OR2B11: variants seen among roughly 807,000 people sequenced by gnomAD.
OR2B11 encodes the protein olfactory receptor family 2 subfamily B member 11, also known as olfactory receptor 2B11.
For missense variants in OR2B11, 422 were observed against 400.0 expected (o/e 1.05, Z -0.47); for synonymous variants, 198 against 174.5 (o/e 1.13, Z -1.06).
Position 247,451,956 on chromosome 1 carries a change from TAAG to T in OR2B11, c.24_26del (p.Phe8del), listed in dbSNP as rs1162597578. 1.3e-6 allele frequency: 2 copies of T among 1,584,554 alleles called. No individual in the cohort carries two copies. The highest frequency in any genetic ancestry group is 2.8e-5 in the African/African-American group (2 of 70,216). On this transcript the variant is annotated inframe_deletion, in exon 2 of 2. Coordinates refer to ENST00000641149, the MANE Select transcript of OR2B11 (RefSeq NM_001004492.2). ...GGATGAAGGCTTTAGGGGAGTCCCC[TAAG>T]AAGCTATGGTTGTCACTTTTCATGT... is the stretch of plus-strand genomic sequence containing the variant.
In OR2B11 at chr1:247,451,845, G is replaced by A. The variant is rs1212082748; in HGVS notation, c.138C>T (p.Asn46=). 3.1e-6 allele frequency: 5 copies of A among 1,613,980 alleles called. No homozygotes were observed. Among genetic ancestry groups the A allele is most frequent in the South Asian group, 1.1e-5 (1 of 91,092 alleles). The change falls in exon 2 of 2, where the codon AAC becomes AAT. Residue 46 remains asparagine, a synonymous_variant. Transcript: ENST00000641149. ...CCCGGGATGCCAGGATGATGGCGAC[G>A]TTCCCCAACATGGCCAGCACATAGG... ...LLSYVLAMLG[N]VAIILASRVD...
rs758031891 is a variant in OR2B11, at chr1:247,452,446, C to T, written c.-464G>A. On this transcript the variant is annotated 5_prime_UTR_variant, in exon 2 of 2. Coordinates refer to ENST00000641149, the MANE Select transcript of OR2B11 (RefSeq NM_001004492.2). ...GGAATTGTCCACCTTCTTAGGCTTT[C>T]CCATTTTGGGAGGTAGTGGTAGGAG... 1.9e-5 allele frequency: 3 copies of T among 160,468 alleles called. No homozygotes were observed. The highest frequency in any genetic ancestry group is 5.8e-5 in the Admixed American group (1 of 17,214). The allele number at this position is 160,468 out of a possible 1,614,324, so 9.9% of individuals were successfully genotyped here. A position where few individuals can be genotyped will look rare whatever the true frequency, so the allele number is the denominator to read the frequency against.
chr1:247,449,713 T>G lies in OR2B11; in HGVS notation c.*1316A>C, dbSNP rs1664795231. On this transcript the variant is annotated 3_prime_UTR_variant, in exon 2 of 2. Transcript: ENST00000641149. ...AAGGGAAACAGTATGAGATTTACAT[T>G]CTGTTGCAAACTCTGTCTTGTTAGC... 6.6e-6 allele frequency: 1 copy of G among 152,034 alleles called. No individual in the cohort carries two copies. Among genetic ancestry groups the G allele is most frequent in the African/African-American group, 2.4e-5 (1 of 41,264 alleles). The allele number at this position is 152,034 out of a possible 1,614,324, so 9.4% of individuals were successfully genotyped here.
Position 247,452,163 on chromosome 1 carries a change from C to T in OR2B11, c.-181G>A. On this transcript the variant is annotated 5_prime_UTR_variant, in exon 2 of 2. Coordinates refer to ENST00000641149, the MANE Select transcript of OR2B11 (RefSeq NM_001004492.2). ...ATGCGGAAGGGTCAGAACCAGGAGC[C>T]CCAGTAGCAGCCTCTGTGTCTTTGC... 1.7e-6 allele frequency: 1 copy of T among 586,134 alleles called. No homozygotes were observed. The highest frequency in any genetic ancestry group is 2.8e-5 in the East Asian group (1 of 35,732). The allele number at this position is 586,134 out of a possible 1,614,324, so 36.3% of individuals were successfully genotyped here. A position where few individuals can be genotyped will look rare whatever the true frequency, so the allele number is the denominator to read the frequency against.
At chr1:247,455,436 T>C (rs888240816) in intron 1 of OR2B11, among the ~76,000 whole-genome samples, 1 of 152,194 alleles carries the variant, frequency 6.6e-6, no homozygotes, top group Non-Finnish European at 1.5e-5. Context: ...GGCTTAATGA[T>C]AGCAGTATTT....
At position 247,451,697 on chromosome 1, in the gene OR2B11, T is replaced by G. The variant is rs757891667; in HGVS notation, c.286A>C (p.Ile96Leu). The G allele has an allele frequency of 6.2e-7, 1 of 1,614,176 alleles. No homozygotes were observed. The highest frequency in any genetic ancestry group is 1.1e-5 in the South Asian group (1 of 91,090). Residue 96 changes from isoleucine to leucine, a missense_variant, in exon 2 of 2, where the codon ATC becomes CTC. Coordinates refer to ENST00000641149, the MANE Select transcript of OR2B11 (RefSeq NM_001004492.2). The stretch of plus-strand genomic sequence containing the variant: ...TGCACAGTGCAGCCTCCATAGCTGA[T>G]GGTCTTCTGGGAACTGCCCATGTTG... ...LVNMGSSQKT[I>L]SYGGCTVQYA...
In OR2B11 at chr1:247,454,987, C is replaced by T. The variant is rs1475928473; in HGVS notation, c.-3005G>A. ...GTATCATGTTCACGCTGAATTCCCG[C>T]AGTTTCTTCTGGGGGCTGCTGGCAG... On this transcript the variant is annotated 5_prime_UTR_variant, in exon 2 of 2. Coordinates refer to ENST00000641149, the MANE Select transcript of OR2B11 (RefSeq NM_001004492.2). The T allele has an allele frequency of 6.6e-6, 1 of 152,190 alleles. No homozygotes were observed. Among genetic ancestry groups the T allele is most frequent in the East Asian group, 1.9e-4 (1 of 5,198 alleles). The allele number at this position is 152,190 out of a possible 1,614,324, so 9.4% of individuals were successfully genotyped here.
At position 247,451,909 on chromosome 1, in the gene OR2B11, G is replaced by A. The variant is rs369166364; in HGVS notation, c.74C>T (p.Pro25Leu). The A allele has an allele frequency of 1.7e-4, 274 of 1,614,008 alleles. 4 individuals carry two copies. The highest frequency in any genetic ancestry group is 1.5e-3 in the South Asian group (140 of 91,072). ...CACAAAGAGAGGGAGTTCCAGCCAC[G>A]GCCTGTCAGACACACCCAGAAGGAT... is the stretch of plus-strand genomic sequence containing the variant. ...AFILLGVSDRPWLELPLFVVL... is the reference protein window; with the variant it reads ...AFILLGVSDRLWLELPLFVVL... The change falls in exon 2 of 2, where the codon CCG (proline) becomes CTG (leucine). Residue 25 changes from proline to leucine, a missense_variant. Physicochemically the swap from Pro to Leu is moderately conservative, Grantham distance 98. Coordinates refer to ENST00000641149, the MANE Select transcript of OR2B11 (RefSeq NM_001004492.2).
chr1:247,450,743 G>T lies in OR2B11; in HGVS notation c.*286C>A. On this transcript the variant is annotated 3_prime_UTR_variant, in exon 2 of 2. Coordinates refer to ENST00000641149, the MANE Select transcript of OR2B11 (RefSeq NM_001004492.2). ...GGAGAGAATAAAAGAAATATAGGAAGAGGAAAAGAGAAAAGAATCAGGAAA... is the reference window on the plus strand; with the variant it reads ...GGAGAGAATAAAAGAAATATAGGAATAGGAAAAGAGAAAAGAATCAGGAAA... 3.8e-6 allele frequency: 1 copy of T among 261,428 alleles called. No individual in the cohort carries two copies. Among genetic ancestry groups the T allele is most frequent in the Non-Finnish European group, 7.2e-6 (1 of 139,448 alleles). 16.2% of individuals were successfully genotyped at this position (261,428 alleles called of 1,614,324 possible).
In OR2B11 at chr1:247,452,208, C is replaced by G. The variant is rs568824766; in HGVS notation, c.-226G>C. 1.9e-6 allele frequency: 1 copy of G among 534,650 alleles called. No homozygotes were observed. The highest frequency in any genetic ancestry group is 2.7e-5 in the South Asian group (1 of 37,348). The allele number at this position is 534,650 out of a possible 1,614,324, so 33.1% of individuals were successfully genotyped here. A position where few individuals can be genotyped will look rare whatever the true frequency, so the allele number is the denominator to read the frequency against. ...CTTTGCTCTCCTTCCTACTCAGTGG[C>G]CGCAACTAAACCATTTAATATTCCT... is the stretch of plus-strand genomic sequence containing the variant. On this transcript the variant is annotated 5_prime_UTR_variant, in exon 2 of 2. Transcript: ENST00000641149.
At chr1:247,457,187 T>C (rs1230664863) in intron 1 of OR2B11, among the ~76,000 whole-genome samples, 1 of 151,814 alleles carries the variant, frequency 6.6e-6, no homozygotes, top group East Asian at 1.9e-4. Context: ...GGTCTGACTT[T>C]TTCAGATTTT....
At chr1:247,456,185 G>A (rs1006513328) in intron 1 of OR2B11, among the ~76,000 whole-genome samples, 3 of 152,160 alleles carry the variant, frequency 2.0e-5, no homozygotes, top group African/African-American at 7.2e-5. Context: ...TGAGTCCACA[G>A]GGTAAGCTAT....
At chr1:247,456,601 C>CT (rs140857340) in intron 1 of OR2B11, among the ~76,000 whole-genome samples, 4 of 150,658 alleles carry the variant, frequency 2.7e-5, no homozygotes, top group African/African-American at 9.8e-5. Context: ...ATTGTAATTA[C>CT]TTTTTTTTCT....
chr1:247,455,162 G>T (rs1382258584), intron 1 of OR2B11, 98 bp from the exon 2 acceptor site: 1 of 152,126 alleles, frequency 6.6e-6, no homozygotes, highest in Non-Finnish European at 1.5e-5. Context: ...CTCTGCTGAA[G>T]CTTGACGGAA....
intron 1 of OR2B11, among the ~76,000 whole-genome samples, chr1:247,456,207 A>G (rs1259366443): frequency 6.6e-6 from 1 of 152,188 alleles, no homozygotes; most frequent in Non-Finnish European, 1.5e-5. Context: ...TAAAAATCCA[A>G]TGCCGGTTCA....
intron 1 of OR2B11, among the ~76,000 whole-genome samples, chr1:247,455,714 A>C (rs1476823561): frequency 6.6e-6 from 1 of 152,164 alleles, no homozygotes. Context: ...GTCCCTGTGC[A>C]TGCACAGTCC....
chr1:247,451,251 C>T lies in OR2B11; in HGVS notation c.732G>A (p.Thr244=), dbSNP rs12086048. Residue 244 remains threonine, a synonymous_variant, in exon 2 of 2, where the codon ACG becomes ACA. Transcript: ENST00000641149. ...AGACGATCATCAGGTGGGAGGAACACGTCCCAAAGGCCTTGTGTCGTCCCT... is the reference window on the plus strand; with the variant it reads ...AGACGATCATCAGGTGGGAGGAACATGTCCCAAAGGCCTTGTGTCGTCCCT... ...SSKGRHKAFG[T]CSSHLMIVSL... 220,159 of 1,607,846 alleles carry T rather than the reference C, an allele frequency of 0.14. 16,249 individuals carry two copies. The highest frequency in any genetic ancestry group is 0.2 in the African/African-American group (14,756 of 74,802).
chr1:247,456,135 A>G (rs1295254064), intron 1 of OR2B11, among the ~76,000 whole-genome samples: 3 of 152,186 alleles, frequency 2.0e-5, no homozygotes, highest in African/African-American at 7.2e-5. Flanking sequence ...TGAGAGGTTC[A>G]GAAAGATTAA....
intron 1 of OR2B11, among the ~76,000 whole-genome samples, 161 bp from the exon 2 acceptor site, chr1:247,455,225 G>A (rs982467227): frequency 1.3e-5 from 2 of 152,190 alleles, no homozygotes; most frequent in African/African-American, 2.4e-5. Flanking sequence ...TTACAGCAGT[G>A]TGTGGAATTC....
Sources: allele counts gnomAD v4.1 joint callset (sites outside exome capture counted in the v4.1 genomes callset), GRCh38; gene constraint gnomAD v4.1.1; transcripts MANE v1.5; gene names NCBI Gene and HGNC (gene_info 2026-07-23, HGNC 2026-07-21).